Variants in FIRRM observed in about 807,000 individuals in gnomAD.
FIRRM encodes FIGNL1 interacting regulator of recombination and mitosis.
the FIRRM span, chr1:169,804,083 A>G: frequency 6.8e-7 from 1 of 1,466,824 alleles, no homozygotes; most frequent in Admixed American, 2.5e-5. Flanking sequence ...AGAATAGTGA[A>G]TCTGTGTATT....
the FIRRM span, chr1:169,803,300 G>A: frequency 6.8e-6 from 11 of 1,613,616 alleles, no homozygotes; most frequent in Non-Finnish European, 9.3e-6. Flanking sequence ...GCACATTTGT[G>A]CATTGTAAGG....
the FIRRM span, chr1:169,821,556 A>G: frequency 3.6e-6 from 2 of 557,236 alleles, no homozygotes; most frequent in East Asian, 6.5e-5. Context: ...AAAATTTTAT[A>G]CTGTGTTTAA....
the FIRRM span, among the ~76,000 whole-genome samples, chr1:169,817,206 T>G: frequency 0.066 from 10,086 of 152,258 alleles, 427 homozygotes; most frequent in Non-Finnish European, 0.099. Context: ...GAACACTCCA[T>G]CTCTTCATGA....
chr1:169,789,038 G>A, the FIRRM span, among the ~76,000 whole-genome samples: 68 of 152,272 alleles, frequency 4.5e-4, 2 homozygotes, highest in South Asian at 0.014. Flanking sequence ...CTGCATCCTT[G>A]GACTGCAGTA....
At chr1:169,811,791 G>A in the FIRRM span, among the ~76,000 whole-genome samples, 1 of 142,148 alleles carries the variant, frequency 7.0e-6, no homozygotes, top group African/African-American at 2.7e-5. Context: ...ATAATAGACA[G>A]ATTATCTAAA....
chr1:169,786,436 C>T, the FIRRM span, among the ~76,000 whole-genome samples: 7 of 152,050 alleles, frequency 4.6e-5, no homozygotes, highest in South Asian at 2.1e-4. Flanking sequence ...ATTTTTAAAA[C>T]GCAAAGAGGG....
At chr1:169,806,217 C>G in the FIRRM span, 4 of 606,454 alleles carry the variant, frequency 6.6e-6, no homozygotes, top group African/African-American at 3.8e-5. Context: ...ACACTGCTGT[C>G]TGATAATCCA....
At chr1:169,828,678 A>C in the FIRRM span, among the ~76,000 whole-genome samples, 1 of 151,972 alleles carries the variant, frequency 6.6e-6, no homozygotes, top group East Asian at 1.9e-4. Context: ...CCTCCTAAAT[A>C]ACTGGGACTA....
the FIRRM span, among the ~76,000 whole-genome samples, chr1:169,835,837 C>T: frequency 6.6e-6 from 1 of 152,134 alleles, no homozygotes; most frequent in South Asian, 2.1e-4. Context: ...GCACAGTTCT[C>T]TTGGCTTTCC....
At chr1:169,826,928 T>A in the FIRRM span, 1 of 836,420 alleles carries the variant, frequency 1.2e-6, no homozygotes, top group African/African-American at 1.7e-5. Context: ...AAATGCACAC[T>A]TATTTTTAAA....
chr1:169,794,837 G>C, the FIRRM span: 62 of 457,088 alleles, frequency 1.4e-4, no homozygotes, highest in Non-Finnish European at 2.4e-5. Flanking sequence ...GCTTCCCGAC[G>C]TGTCCTGGGA....
chr1:169,785,679 A>G, the FIRRM span, among the ~76,000 whole-genome samples: 1 of 151,996 alleles, frequency 6.6e-6, no homozygotes. Context: ...TGGGGTTTAT[A>G]TGGTACACAA....
At chr1:169,840,128 TTATAG>T in the FIRRM span, among the ~76,000 whole-genome samples, 1,529 of 152,344 alleles carry the variant, frequency 0.01, 24 homozygotes, top group African/African-American at 0.034. Flanking sequence ...TACTGTAGTC[TTATAG>T]TATAGTTTCA....
the FIRRM span, among the ~76,000 whole-genome samples, chr1:169,833,425 G>A: frequency 5.9e-5 from 9 of 152,126 alleles, no homozygotes; most frequent in East Asian, 1.9e-4. Flanking sequence ...TATGGTCCTC[G>A]GTTTGAATCC....
At chr1:169,844,884 T>C in the FIRRM span, among the ~76,000 whole-genome samples, 1 of 152,212 alleles carries the variant, frequency 6.6e-6, no homozygotes, top group African/African-American at 2.4e-5. Flanking sequence ...ATTGGGGGTT[T>C]GCAGATTATG....
At chr1:169,852,418 T>G in the FIRRM span, 3 of 267,912 alleles carry the variant, frequency 1.1e-5, no homozygotes, top group Admixed American at 5.0e-5. Flanking sequence ...TAGTAGTAAT[T>G]CATGAAGAAC....
At chr1:169,840,349 C>T in the FIRRM span, among the ~76,000 whole-genome samples, 2 of 152,154 alleles carry the variant, frequency 1.3e-5, no homozygotes, top group Non-Finnish European at 2.9e-5. Context: ...CTCTTCCAAT[C>T]TATGAGCATG....
chr1:169,812,124 ACT>A, the FIRRM span, among the ~76,000 whole-genome samples: 1 of 152,138 alleles, frequency 6.6e-6, no homozygotes, highest in Non-Finnish European at 1.5e-5. Flanking sequence ...TAAAAATAAA[ACT>A]CTAGGTTTAA....
chr1:169,852,162 C>T, the FIRRM span: 1 of 588,918 alleles, frequency 1.7e-6, no homozygotes, highest in Non-Finnish European at 3.0e-6. Flanking sequence ...TTGGTAGTAA[C>T]CTTTAAGGGA....
Sources: allele counts gnomAD v4.1 joint callset (sites outside exome capture counted in the v4.1 genomes callset), GRCh38; gene constraint gnomAD v4.1.1; transcripts MANE v1.5; gene names NCBI Gene and HGNC (gene_info 2026-07-23, HGNC 2026-07-21).